Variants in TET2 observed in about 807,000 individuals in gnomAD.
TET2 encodes the protein tet methylcytosine dioxygenase 2.
Under a neutral mutation model 142.9 loss-of-function variants are expected in TET2, and 299 were observed. That is an observed-to-expected ratio of 2.09 (90% CI 1.90 to 2.30). The LOEUF (loss-of-function observed/expected upper bound fraction) is 2.30. Ranked by LOEUF, TET2 falls within the 30% of genes most tolerant of loss-of-function variation. The pLI is 0.00. For synonymous variants in TET2, 819 were observed against 849.0 expected (o/e 0.96, Z 0.61); for missense variants, 2,418 against 2,378.0 (o/e 1.02, Z -0.35).
At chr4:105,233,791 G>A (rs191570725) in intron 2 of TET2, 106 bp from the exon 3 acceptor site, 33 of 626,802 alleles carry the variant, frequency 5.3e-5, no homozygotes, top group Non-Finnish European at 7.8e-5. Flanking sequence ...TAGGTATTCC[G>A]ATATTTATCC....
chr4:105,181,140 C>G (rs1725098618), intron 1 of TET2, among the ~76,000 whole-genome samples: 1 of 152,146 alleles, frequency 6.6e-6, no homozygotes, highest in Non-Finnish European at 1.5e-5. Context: ...TCCTTTGTAA[C>G]AAAGTTTCTA....
chr4:105,163,806 CGA>C (rs59658275), intron 1 of TET2, among the ~76,000 whole-genome samples: 6,872 of 78,964 alleles, frequency 0.087, 212 homozygotes, highest in Non-Finnish European at 0.12. Context: ...TCGAAAGTTT[CGA>C]GAGAGAGAGA....
Position 105,236,843 on chromosome 4 carries a change from A to T in TET2, c.2901A>T (p.Gln967His). ...LQKQEQQQTQ[Q>H]PQTESCHSQM... ...AGCAAGAACAGCAGCAAACACAGCAACCCCAAACTGAGTCTTGCCATAGTC... is the reference window on the plus strand; with the variant it reads ...AGCAAGAACAGCAGCAAACACAGCATCCCCAAACTGAGTCTTGCCATAGTC... Residue 967 changes from glutamine (Q) to histidine (H), a missense_variant, in exon 3 of 11, where the codon CAA becomes CAT. By Grantham distance (24) the Gln-to-His change is conservative. Coordinates refer to ENST00000380013, the MANE Select transcript of TET2 (RefSeq NM_001127208.3). 6.2e-7 allele frequency: 1 copy of T among 1,614,084 alleles called. No individual in the cohort carries two copies. Among genetic ancestry groups the T allele is most frequent in the Non-Finnish European group, 8.5e-7 (1 of 1,180,000 alleles).
At chr4:105,240,624 C>A (rs1729242137) in intron 3 of TET2, 3 of 1,080,030 alleles carry the variant, frequency 2.8e-6, no homozygotes, top group East Asian at 1.0e-4. Context: ...CCTCACTGGG[C>A]TAAAACACCA....
At chr4:105,252,263 G>C (rs995166821) in intron 6 of TET2, among the ~76,000 whole-genome samples, 3 of 152,154 alleles carry the variant, frequency 2.0e-5, no homozygotes, top group Non-Finnish European at 4.4e-5. Flanking sequence ...ATGTCATATA[G>C]TTGGAATGAT....
At chr4:105,273,734 A>G (rs1391984999) in intron 10 of TET2, among the ~76,000 whole-genome samples, 2 of 152,086 alleles carry the variant, frequency 1.3e-5, no homozygotes, top group Admixed American at 1.3e-4. Flanking sequence ...AGAATGAAAC[A>G]TTTTTCCTTA....
In TET2 at chr4:105,236,846, C is replaced by T. The variant is rs143250929; in HGVS notation, c.2904C>T (p.Pro968=). 2.5e-6 allele frequency: 4 copies of T among 1,613,954 alleles called. No individual in the cohort carries two copies. Among genetic ancestry groups the T allele is most frequent in the Middle Eastern group, 1.6e-4 (1 of 6,084 alleles). The part of the protein sequence containing the change: ...QKQEQQQTQQ[P]QTESCHSQMH... ...AAGAACAGCAGCAAACACAGCAACC[C>T]CAAACTGAGTCTTGCCATAGTCAGA... Residue 968 remains proline, a synonymous_variant, in exon 3 of 11, where the codon CCC becomes CCT. Transcript: ENST00000380013.
intron 1 of TET2, among the ~76,000 whole-genome samples, chr4:105,164,304 A>G (rs1046452669): frequency 2.0e-5 from 3 of 152,244 alleles, no homozygotes; most frequent in Non-Finnish European, 1.5e-5. Context: ...CTAATTTAGC[A>G]TCCTGACTTT....
chr4:105,248,651 A>G (rs1362288468), intron 6 of TET2, among the ~76,000 whole-genome samples: 2 of 152,154 alleles, frequency 1.3e-5, no homozygotes, highest in African/African-American at 4.8e-5. Flanking sequence ...TTTCTAATTG[A>G]GATATAATTC....
rs758225259 is a variant in TET2 at position 105,237,146 on chromosome 4, A to G, written c.3204A>G (p.Gln1068=). 2 of 1,614,172 alleles carry G rather than the reference A, an allele frequency of 1.2e-6. No homozygotes were observed. Among genetic ancestry groups the G allele is most frequent in the Non-Finnish European group, 1.7e-6 (2 of 1,180,022 alleles). The change falls in exon 3 of 11, where the codon CAA becomes CAG. Residue 1068 remains glutamine, a synonymous_variant. Transcript: ENST00000380013. ...MSGPVTVLTR[Q]TTAAELDSHT... ...GGCCAGTCACAGTTTTGACTAGACA[A>G]ACCACTGCTGCAGAACTTGATAGCC...
At position 105,241,321 on chromosome 4, in the gene TET2, CTT is replaced by C; in HGVS notation, c.3410-17_3410-16del. The C allele has an allele frequency of 6.5e-7, 1 of 1,529,266 alleles. No homozygotes were observed. The highest frequency in any genetic ancestry group is 8.8e-7 in the Non-Finnish European group (1 of 1,137,802). The allele number at this position is 1,529,266 out of a possible 1,614,324, so 94.7% of individuals were successfully genotyped here. A position where few individuals can be genotyped will look rare whatever the true frequency, so the allele number is the denominator to read the frequency against. ...TATAATTGAGGTCTAAAATAATAAT[CTT>C]CTATTATCTCAACAGAGCAAATTAT... On this transcript the variant is annotated splice_polypyrimidine_tract_variant and intron_variant, in intron 3 of 10. Transcript: ENST00000380013.
chr4:105,153,691 A>G (rs1723426076), intron 1 of TET2, among the ~76,000 whole-genome samples: 1 of 152,236 alleles, frequency 6.6e-6, no homozygotes, highest in Admixed American at 6.5e-5. Flanking sequence ...AGGCTTAGCC[A>G]GCATTTGAGT....
At chr4:105,215,532 G>A (rs1727441342) in intron 2 of TET2, among the ~76,000 whole-genome samples, 1 of 152,158 alleles carries the variant, frequency 6.6e-6, no homozygotes, top group Non-Finnish European at 1.5e-5. Flanking sequence ...ATTGGTAGCT[G>A]TGTGGGCTTC....
At chr4:105,225,466 AGCTTTGATGAACATTCGTTGTC>A (rs1728132954) in intron 2 of TET2, among the ~76,000 whole-genome samples, 1 of 152,120 alleles carries the variant, frequency 6.6e-6, no homozygotes, top group African/African-American at 2.4e-5. Context: ...TGTTGTAGGT[AGCTTTGATGAACATTCGTTGTC>A]AGCCTTTTAC....
chr4:105,164,399 A>G (rs1724045246), intron 1 of TET2, among the ~76,000 whole-genome samples: 1 of 152,232 alleles, frequency 6.6e-6, no homozygotes, highest in Non-Finnish European at 1.5e-5. Flanking sequence ...AGAACAACTA[A>G]TAATTCTTAT....
In TET2 at chr4:105,235,595, T is replaced by C. The variant is rs762675529; in HGVS notation, c.1653T>C (p.Asp551=). ...LKGRDKEQTR[D]LVPPTQHYLK... is the part of the protein sequence containing the mutation. ...GTCGAGACAAGGAGCAAACACGAGA[T>C]CTTGTGCCCCCAACACAGCACTATC... is the stretch of plus-strand genomic sequence containing the variant. Residue 551 remains aspartate (D), a synonymous_variant, in exon 3 of 11, where the codon GAT becomes GAC. Transcript: ENST00000380013. 1 of 1,614,078 alleles carries C rather than the reference T, an allele frequency of 6.2e-7. No individual in the cohort carries two copies. The highest frequency in any genetic ancestry group is 1.1e-5 in the South Asian group (1 of 91,086).
Position 105,240,545 on chromosome 4 carries a change from A to AC in TET2, c.3410-790dup, listed in dbSNP as rs940334405. ...CATGTTTTCCCTCTTGCAATGAGAT[A>AC]CCCCACACTGTGTAGAAGGATGGAG... On this transcript the variant is annotated intron_variant, in intron 3 of 10. Coordinates refer to ENST00000380013, the MANE Select transcript of TET2 (RefSeq NM_001127208.3). The AC allele has an allele frequency of 3.7e-6, 4 of 1,079,104 alleles. No individual in the cohort carries two copies. In the Admixed American group the frequency reaches 2.1e-4, roughly 58 times the overall value. The allele number at this position is 1,079,104 out of a possible 1,614,324, so 66.8% of individuals were successfully genotyped here. A position where few individuals can be genotyped will look rare whatever the true frequency, so the allele number is the denominator to read the frequency against.
intron 6 of TET2, among the ~76,000 whole-genome samples, chr4:105,253,794 T>C (rs1398242864): frequency 6.6e-6 from 1 of 152,140 alleles, no homozygotes; most frequent in Non-Finnish European, 1.5e-5. Flanking sequence ...TTAAATATGT[T>C]AGCTGTATGG....
chr4:105,200,751 T>A (rs907432914), intron 2 of TET2, among the ~76,000 whole-genome samples: 5 of 152,024 alleles, frequency 3.3e-5, no homozygotes, highest in Non-Finnish European at 5.9e-5. Context: ...ACCTCCACAT[T>A]CCGGGTTCAA....
Sources: allele counts gnomAD v4.1 joint callset (sites outside exome capture counted in the v4.1 genomes callset), GRCh38; gene constraint gnomAD v4.1.1; transcripts MANE v1.5; gene names NCBI Gene and HGNC (gene_info 2026-07-23, HGNC 2026-07-21).